Variants in ABAT observed in about 807,000 individuals in gnomAD.
ABAT encodes the protein 4-aminobutyrate aminotransferase, mitochondrial.
ABAT carries 45 observed loss-of-function variants against 64.6 expected under a neutral mutation model. The ratio of observed to expected loss-of-function variants is 0.70; its 90% CI spans 0.55 to 0.89. The LOEUF is 0.89. Ranked by LOEUF, ABAT falls within the 40% of genes least tolerant of loss-of-function variation. The pLI is 0.00. For synonymous variants in ABAT, 297 were observed against 250.5 expected, an observed-to-expected ratio of 1.19 and a Z score of -1.75; for missense variants, 633 against 658.4, an observed-to-expected ratio of 0.96 and a Z score of 0.42.
chr16:8,713,534 A>C (rs2058126822), intron 1 of ABAT: 1 of 200,306 alleles, frequency 5.0e-6, no homozygotes. Context: ...TTCTGAATCC[A>C]TCTTTCAGTC....
chr16:8,759,901 C>G (rs1373097003), intron 6 of ABAT, among the ~76,000 whole-genome samples: 1 of 152,062 alleles, frequency 6.6e-6, no homozygotes, highest in Non-Finnish European at 1.5e-5. Flanking sequence ...GTATCTTTAC[C>G]TCGTCTGGCT....
chr16:8,724,938 A>C (rs1447137213), intron 1 of ABAT, among the ~76,000 whole-genome samples: 2 of 138,642 alleles, frequency 1.4e-5, no homozygotes, highest in East Asian at 4.3e-4. Flanking sequence ...TTTTTTTGAG[A>C]TGGAGTCTCA....
intron 1 of ABAT, among the ~76,000 whole-genome samples, chr16:8,690,619 G>A (rs1367033373): frequency 2.0e-5 from 3 of 152,194 alleles, no homozygotes; most frequent in African/African-American, 4.8e-5. Flanking sequence ...CGGATCCGAT[G>A]ATTTATCCAG....
At chr16:8,772,317 T>G (rs1033290630) in intron 11 of ABAT, among the ~76,000 whole-genome samples, 1 of 147,670 alleles carries the variant, frequency 6.8e-6, no homozygotes, top group Non-Finnish European at 1.5e-5. Context: ...TGCTCTCACC[T>G]TTATTTCTCT....
chr16:8,713,669 T>C (rs1445829793), intron 1 of ABAT: 2 of 333,676 alleles, frequency 6.0e-6, no homozygotes, highest in African/African-American at 4.3e-5. Context: ...GGCCCTTTTC[T>C]GTCTCCTCCA....
At chr16:8,707,659 A>G (rs1290520196) in intron 1 of ABAT, among the ~76,000 whole-genome samples, 1 of 152,218 alleles carries the variant, frequency 6.6e-6, no homozygotes, top group Non-Finnish European at 1.5e-5. Context: ...TTACATTTCT[A>G]AAACAGCAGC....
intron 1 of ABAT, among the ~76,000 whole-genome samples, chr16:8,732,042 G>A (rs952307266): frequency 4.0e-5 from 6 of 151,802 alleles, no homozygotes; most frequent in Admixed American, 3.9e-4. Context: ...TGGTAGAGAC[G>A]GGGTTTCACT....
chr16:8,741,798 G>C (rs935169955), intron 2 of ABAT, among the ~76,000 whole-genome samples: 1 of 152,156 alleles, frequency 6.6e-6, no homozygotes, highest in Admixed American at 6.5e-5. Flanking sequence ...CAAGAACCTG[G>C]GTTCCAATGC....
intron 2 of ABAT, among the ~76,000 whole-genome samples, chr16:8,739,314 A>G (rs2142485675): frequency 6.6e-6 from 1 of 152,342 alleles, no homozygotes; most frequent in South Asian, 2.1e-4. Context: ...CCACACATTA[A>G]CCAAGTGAGC....
Position 8,764,624 on chromosome 16 carries a change from C to A in ABAT, c.448-114C>A. The stretch of plus-strand genomic sequence containing the variant: ...CCAGTCCGACACCTTCCAGGACAGC[C>A]CTGGTTCTGTCTGTCCCCGGTACGG... On this transcript the variant is annotated intron_variant, in intron 7 of 15. Transcript: ENST00000268251. The surrounding 1 kb of genome is among the most constrained non-coding windows in gnomAD (Gnocchi z 4.2). 9.7e-7 allele frequency: 1 copy of A among 1,034,312 alleles called. No individual in the cohort carries two copies. Among genetic ancestry groups the A allele is most frequent in the Non-Finnish European group, 1.5e-6 (1 of 668,314 alleles). 64.1% of individuals were successfully genotyped at this position (1,034,312 alleles called of 1,614,324 possible).
intron 1 of ABAT, among the ~76,000 whole-genome samples, chr16:8,718,971 A>C (rs2058288571): frequency 6.6e-6 from 1 of 152,218 alleles, no homozygotes; most frequent in Non-Finnish European, 1.5e-5. Flanking sequence ...TAAATGTTTC[A>C]CTTGTTATAC....
intron 1 of ABAT, among the ~76,000 whole-genome samples, chr16:8,734,865 T>A (rs2058866388): frequency 6.6e-6 from 1 of 151,922 alleles, no homozygotes; most frequent in South Asian, 2.1e-4. Flanking sequence ...GGAGAGATGA[T>A]AAAAGGAAAC....
chr16:8,697,170 G>A (rs746536047), intron 1 of ABAT, among the ~76,000 whole-genome samples: 2 of 152,200 alleles, frequency 1.3e-5, no homozygotes, highest in African/African-American at 4.8e-5. Context: ...TTTGGGCTGA[G>A]GAATGAGACA....
intron 1 of ABAT, among the ~76,000 whole-genome samples, chr16:8,691,210 T>C (rs981245889): frequency 1.3e-5 from 2 of 152,194 alleles, no homozygotes; most frequent in Non-Finnish European, 2.9e-5. Flanking sequence ...ATGAGTACCC[T>C]CTCTGGGAAC....
chr16:8,699,441 C>G (rs1395855998), intron 1 of ABAT, among the ~76,000 whole-genome samples: 2 of 152,122 alleles, frequency 1.3e-5, no homozygotes, highest in African/African-American at 4.8e-5. Flanking sequence ...ACGTGCAATT[C>G]CAGCTACTTA....
At chr16:8,712,948 C>T (rs1014204961) in intron 1 of ABAT, 1 of 152,276 alleles carries the variant, frequency 6.6e-6, no homozygotes, top group African/African-American at 2.4e-5. Context: ...TCTGCCCCCC[C>T]AACCCCATAC....
Position 8,709,057 on chromosome 16 carries a change from A to C in ABAT, c.-41-26642A>C, listed in dbSNP as rs192905376. On this transcript the variant is annotated intron_variant, in intron 1 of 15. Transcript: ENST00000268251. ...ATAAAACACACATCCGATTTTGAAGACTTGCTATGCCAAAAAGGATAGCAA... is the reference window on the plus strand; with the variant it reads ...ATAAAACACACATCCGATTTTGAAGCCTTGCTATGCCAAAAAGGATAGCAA... 6.3e-3 allele frequency among the ~76,000 whole-genome samples: 965 copies of C among 152,256 alleles called. 5 individuals are homozygous for C. The highest frequency in any genetic ancestry group is 9.5e-3 in the Non-Finnish European group (644 of 68,020).
chr16:8,763,775 A>G (rs2059862799), intron 6 of ABAT, among the ~76,000 whole-genome samples: 1 of 152,178 alleles, frequency 6.6e-6, no homozygotes, highest in Non-Finnish European at 1.5e-5. Flanking sequence ...AACCAGTACA[A>G]AGAGCCCCAT....
chr16:8,720,803 C>T (rs529783564), intron 1 of ABAT: 1 of 152,388 alleles, frequency 6.6e-6, no homozygotes, highest in African/African-American at 2.4e-5. Flanking sequence ...GCACTTTTGT[C>T]TTGGTCCCAA....
Sources: gnomAD v4.1 joint callset for allele counts (sites outside exome capture counted in the v4.1 genomes callset) on GRCh38, gnomAD v4.1.1 for gene constraint, Gnocchi (gnomAD v3.1) non-coding constraint, MANE v1.5 for transcripts, NCBI Gene and HGNC (gene_info 2026-07-23, HGNC 2026-07-21) for gene names.